CCDC30: variants seen among roughly 807,000 people sequenced by gnomAD.
CCDC30 encodes coiled-coil domain containing 30, also known as coiled-coil domain-containing protein 30.
CCDC30 carries 70 observed loss-of-function variants against 100.2 expected under a neutral mutation model. That is an observed-to-expected ratio of 0.70 (90% CI 0.58 to 0.85). The LOEUF (loss-of-function observed/expected upper bound fraction) is 0.85, where lower values mean the gene tolerates loss of function less well. Among genes scored for constraint, CCDC30 ranks in the 40% least tolerant of loss-of-function variants. The pLI is 0.00. For missense variants in CCDC30, 652 were observed against 771.2 expected, an observed-to-expected ratio of 0.85 and a Z score of 1.83; for synonymous variants, 233 against 269.5, an observed-to-expected ratio of 0.86 and a Z score of 1.33.
intron 11 of CCDC30, among the ~76,000 whole-genome samples, chr1:42,622,675 C>T (rs1479996916): frequency 7.2e-5 from 11 of 151,760 alleles, no homozygotes; most frequent in Non-Finnish European, 1.2e-4. Flanking sequence ...AATGGGGTTT[C>T]GCCATGTTGG....
At position 42,557,224 on chromosome 1, in the gene CCDC30, A is replaced by G. The variant is rs1255300215; in HGVS notation, c.457-9072A>G. ...GTAGCAATAAAGGAAGTTAAAAAAT[A>G]TATTTGAAAGGATTCAGATACAGAG... On this transcript the variant is annotated intron_variant, in intron 6 of 16. Transcript: ENST00000668663. 2.6e-5 allele frequency among the ~76,000 whole-genome samples: 4 copies of G among 152,260 alleles called. 1 individual carries two copies. The highest frequency in any genetic ancestry group is 2.6e-4 in the Admixed American group (4 of 15,282).
At chr1:42,459,517 AAATTT>A (rs1643345751), upstream of CCDC30, 1 of 1,165,844 alleles carries the variant, frequency 8.6e-7, no homozygotes, top group African/African-American at 1.6e-5. Flanking sequence ...AATCCCACTT[AAATTT>A]AATTCCTTAG....
At chr1:42,539,918 T>TAA (rs11286901) in intron 6 of CCDC30, among the ~76,000 whole-genome samples, 6 of 138,686 alleles carry the variant, frequency 4.3e-5, no homozygotes, top group South Asian at 4.5e-4. Context: ...ACCCCATCTC[T>TAA]AAAAAAAAAA....
At chr1:42,539,110 A>C (rs573552726) in intron 6 of CCDC30, 63 bp from the exon 8 acceptor site, 2 of 1,277,166 alleles carry the variant, frequency 1.6e-6, no homozygotes, top group Admixed American at 5.6e-5. Context: ...TAAAAATATT[A>C]TATCTTTTAT....
At chr1:42,466,327 G>A (rs1643580865) in intron 1 of CCDC30, among the ~76,000 whole-genome samples, 1 of 152,080 alleles carries the variant, frequency 6.6e-6, no homozygotes, top group Non-Finnish European at 1.5e-5. Context: ...GTACCTACCA[G>A]GAGAAAAAAC....
intron 11 of CCDC30, among the ~76,000 whole-genome samples, chr1:42,623,990 G>C (rs1230299878): frequency 6.6e-6 from 1 of 151,942 alleles, no homozygotes; most frequent in African/African-American, 2.4e-5. Flanking sequence ...TTTATGTCTG[G>C]CTATTATAAA....
At chr1:42,491,953 C>A in intron 4 of CCDC30, 2 of 892,684 alleles carry the variant, frequency 2.2e-6, no homozygotes, top group Non-Finnish European at 3.3e-6. Flanking sequence ...GTGAGTCTTG[C>A]TGATCTGCAG....
At chr1:42,497,027 T>A (rs1238852739) in intron 4 of CCDC30, 71 bp from the exon 5 acceptor site, 1 of 748,308 alleles carries the variant, frequency 1.3e-6, no homozygotes. Context: ...ACTTCCTTCG[T>A]TTTTAGAGTT....
intron 8 of CCDC30, 79 bp from the exon 13 acceptor site, chr1:42,581,281 A>G (rs1645960131): frequency 9.3e-7 from 1 of 1,076,378 alleles, no homozygotes; most frequent in Non-Finnish European, 1.4e-6. Context: ...TATGTTTGCT[A>G]TTTATATGTT....
chr1:42,472,057 G>A (rs1009366670), intron 1 of CCDC30, among the ~76,000 whole-genome samples: 3 of 151,878 alleles, frequency 2.0e-5, no homozygotes, highest in East Asian at 1.9e-4. Flanking sequence ...AGTTCGAGAC[G>A]AGCCTGACCA....
chr1:42,461,434 C>T (rs1643407333), upstream of CCDC30, among the ~76,000 whole-genome samples: 1 of 152,162 alleles, frequency 6.6e-6, no homozygotes, highest in Non-Finnish European at 1.5e-5. Flanking sequence ...CTCCTGGACT[C>T]AAGCACTCCT....
At chr1:42,655,384 A>G (rs997345269), downstream of CCDC30, among the ~76,000 whole-genome samples, 2 of 152,042 alleles carry the variant, frequency 1.3e-5, no homozygotes, top group Non-Finnish European at 2.9e-5. Context: ...TCTAACAAAA[A>G]TACAAAAACA....
intron 11 of CCDC30, among the ~76,000 whole-genome samples, chr1:42,619,793 C>T (rs991997035): frequency 5.3e-5 from 8 of 152,178 alleles, no homozygotes; most frequent in African/African-American, 1.2e-4. Flanking sequence ...TGCAAATCCC[C>T]GCCCCCCATC....
At chr1:42,562,811 C>G (rs558082918) in intron 6 of CCDC30, among the ~76,000 whole-genome samples, 54 of 152,166 alleles carry the variant, frequency 3.5e-4, no homozygotes, top group Non-Finnish European at 3.1e-4. Flanking sequence ...ACAGACACTT[C>G]TCAAAAGAAG....
chr1:42,641,554 AAAC>A (rs1647393033), intron 12 of CCDC30, among the ~76,000 whole-genome samples: 1 of 148,672 alleles, frequency 6.7e-6, no homozygotes. Context: ...CTGTCTAAAA[AAAC>A]AAAAAAACAA....
At chr1:42,472,938 A>G (rs1361067175) in intron 1 of CCDC30, among the ~76,000 whole-genome samples, 3 of 152,142 alleles carry the variant, frequency 2.0e-5, no homozygotes, top group African/African-American at 7.2e-5. Flanking sequence ...ATTTTCCAAG[A>G]TATATATACA....
intron 7 of CCDC30, among the ~76,000 whole-genome samples, chr1:42,566,983 C>A (rs912758020): frequency 1.1e-4 from 16 of 152,282 alleles, no homozygotes; most frequent in African/African-American, 3.6e-4. Context: ...TTATGGACCA[C>A]ATAAATGTTT....
chr1:42,547,514 G>A (rs549929101), intron 6 of CCDC30, among the ~76,000 whole-genome samples: 3 of 152,152 alleles, frequency 2.0e-5, no homozygotes, highest in Non-Finnish European at 2.9e-5. Context: ...GATACTTGCC[G>A]TGGGGAGCAA....
At chr1:42,570,374 AAG>A (rs1645708135) in intron 7 of CCDC30, among the ~76,000 whole-genome samples, 2 of 152,100 alleles carry the variant, frequency 1.3e-5, no homozygotes, top group African/African-American at 4.8e-5. Context: ...CTTTAAAAAA[AAG>A]AAAAAGAAAC....
Sources: gnomAD v4.1 joint callset for allele counts (sites outside exome capture counted in the v4.1 genomes callset) on GRCh38, gnomAD v4.1.1 for gene constraint, MANE v1.5 for transcripts, NCBI Gene and HGNC (gene_info 2026-07-23, HGNC 2026-07-21) for gene names.